CNIH3: variants seen among roughly 807,000 people sequenced by gnomAD.
CNIH3 encodes the protein protein cornichon homolog 3.
In CNIH3, 14 loss-of-function variants were observed where a neutral mutation model predicts 24.1. The observed-to-expected ratio is 0.58, with a 90% CI of 0.38 to 0.91. CNIH3 has a LOEUF of 0.91. Ranked by LOEUF, CNIH3 falls within the 40% of genes least tolerant of loss-of-function variation. The pLI is 0.00. For missense variants in CNIH3, 178 were observed against 196.8 expected (o/e 0.90, Z 0.57); for synonymous variants, 68 against 73.8 (o/e 0.92, Z 0.40).
chr1:224,697,205 G>T (rs979615263), intron 3 of CNIH3, among the ~76,000 whole-genome samples: 1 of 152,234 alleles, frequency 6.6e-6, no homozygotes, highest in African/African-American at 2.4e-5. Flanking sequence ...AGTGCCCAGT[G>T]GGGGAGCATT....
intron 1 of CNIH3, among the ~76,000 whole-genome samples, chr1:224,628,858 A>G (rs1270489681): frequency 1.3e-5 from 2 of 151,978 alleles, no homozygotes; most frequent in African/African-American, 2.4e-5. Context: ...CTGATAAGCA[A>G]TATTTACAGT....
At chr1:224,676,876 G>C (rs562281349) in intron 1 of CNIH3, among the ~76,000 whole-genome samples, 11 of 152,200 alleles carry the variant, frequency 7.2e-5, no homozygotes, top group Admixed American at 2.0e-4. Flanking sequence ...TGCTAAGTGG[G>C]GGGTAGCCTA....
chr1:224,720,730 A>G (rs1688676814), intron 3 of CNIH3, among the ~76,000 whole-genome samples: 1 of 152,164 alleles, frequency 6.6e-6, no homozygotes, highest in African/African-American at 2.4e-5. Context: ...CTTGTCAGGT[A>G]AAATCACTGT....
chr1:224,712,653 A>G (rs750256311), intron 3 of CNIH3, among the ~76,000 whole-genome samples: 1 of 152,210 alleles, frequency 6.6e-6, no homozygotes, highest in Non-Finnish European at 1.5e-5. Context: ...AAGAGTGTCT[A>G]GTATCAATAT....
At chr1:224,552,022 G>A (rs1053819377) in intron 3 of CNIH3, among the ~76,000 whole-genome samples, 1 of 151,392 alleles carries the variant, frequency 6.6e-6, no homozygotes, top group Non-Finnish European at 1.5e-5. Context: ...TACGCCCCGT[G>A]TGATATTAAG....
chr1:224,472,626 G>T (rs1190162819), intron 1 of CNIH3, among the ~76,000 whole-genome samples: 1 of 152,054 alleles, frequency 6.6e-6, no homozygotes. Flanking sequence ...TGGACTTTGG[G>T]GACCTGGGGA....
chr1:224,551,200 C>T (rs1679906801), intron 3 of CNIH3, among the ~76,000 whole-genome samples: 1 of 152,004 alleles, frequency 6.6e-6, no homozygotes, highest in Non-Finnish European at 1.5e-5. Context: ...TACCATTTGA[C>T]CCAGCAATCC....
At chr1:224,726,611 C>T (rs1411797351) in intron 3 of CNIH3, among the ~76,000 whole-genome samples, 4 of 152,184 alleles carry the variant, frequency 2.6e-5, no homozygotes, top group Non-Finnish European at 5.9e-5. Flanking sequence ...CACTGTTCCA[C>T]TTCTAGGATG....
intron 4 of CNIH3, among the ~76,000 whole-genome samples, chr1:224,579,281 T>C (rs1018920354): frequency 6.6e-6 from 1 of 152,194 alleles, no homozygotes; most frequent in African/African-American, 2.4e-5. Flanking sequence ...CTGTCTTTCA[T>C]TGTAAAGGTT....
chr1:224,630,855 G>T (rs1169176520), intron 1 of CNIH3, among the ~76,000 whole-genome samples: 1 of 152,086 alleles, frequency 6.6e-6, no homozygotes. Flanking sequence ...ATGCTGTCTG[G>T]CCAGAATGGA....
At chr1:224,466,196 TACAG>T (rs1350843402) in intron 1 of CNIH3, among the ~76,000 whole-genome samples, 2 of 152,170 alleles carry the variant, frequency 1.3e-5, no homozygotes, top group East Asian at 3.8e-4. Flanking sequence ...ACAATCAAGA[TACAG>T]ACCCATTTCA....
intron 1 of CNIH3, among the ~76,000 whole-genome samples, chr1:224,488,089 C>G (rs1677097453): frequency 6.6e-6 from 1 of 151,634 alleles, no homozygotes; most frequent in Non-Finnish European, 1.5e-5. Flanking sequence ...AGTTGAGAAT[C>G]TAGTATGTGA....
intron 1 of CNIH3, among the ~76,000 whole-genome samples, chr1:224,655,542 G>A (rs1223430190): frequency 6.6e-6 from 1 of 152,238 alleles, no homozygotes; most frequent in African/African-American, 2.4e-5. Context: ...CACTGTCAGT[G>A]TAGTGGGCCT....
chr1:224,501,519 A>C (rs1046110263), intron 1 of CNIH3, among the ~76,000 whole-genome samples: 3 of 97,634 alleles, frequency 3.1e-5, no homozygotes, highest in Non-Finnish European at 7.2e-5. Context: ...ATATATATAT[A>C]TATATATTTT....
At position 224,616,327 on chromosome 1, in the gene CNIH3, A is replaced by AGGC. The variant is rs905219383; in HGVS notation, c.-829_-827dup. On this transcript the variant is annotated 5_prime_UTR_variant, in exon 1 of 6. Coordinates refer to ENST00000272133, the MANE Select transcript of CNIH3 (RefSeq NM_152495.2). ...ACCGCTACAGTTCTCGCAGTGGCAAAGGCGGCGGCGGCGGCGGCGGCAGCG... is the reference window on the plus strand; with the variant it reads ...ACCGCTACAGTTCTCGCAGTGGCAAAGGCGGCGGCGGCGGCGGCGGCGGCAGCG... 101 of 362,762 alleles carry AGGC rather than the reference A, an allele frequency of 2.8e-4. 1 individual carries two copies. The highest frequency in any genetic ancestry group is 2.1e-3 in the South Asian group (45 of 21,936). The allele number at this position is 362,762 out of a possible 1,614,324, so 22.5% of individuals were successfully genotyped here.
At chr1:224,510,611 A>AAAC (rs1678109122) in intron 1 of CNIH3, among the ~76,000 whole-genome samples, 1 of 134,328 alleles carries the variant, frequency 7.4e-6, no homozygotes, top group African/African-American at 3.3e-5. Context: ...AAAAAAAACA[A>AAAC]AAAAAAAACA....
chr1:224,549,731 A>G (rs1026052218), intron 3 of CNIH3, among the ~76,000 whole-genome samples: 17 of 152,144 alleles, frequency 1.1e-4, no homozygotes, highest in Non-Finnish European at 2.4e-4. Context: ...ATGATATTTC[A>G]TTAATATCAT....
chr1:224,454,417 G>T (rs1675561613), intron 1 of CNIH3: 1 of 662,782 alleles, frequency 1.5e-6, no homozygotes, highest in Admixed American at 6.3e-5. Context: ...GAGAGCAGGA[G>T]AACCAGTTCT....
At chr1:224,452,555 G>C (rs536516019) in intron 1 of CNIH3, among the ~76,000 whole-genome samples, 1 of 151,706 alleles carries the variant, frequency 6.6e-6, no homozygotes, top group African/African-American at 2.4e-5. Context: ...GCCAAGGTGG[G>C]CGGATCACAA....
Sources: gnomAD v4.1 joint callset for allele counts (sites outside exome capture counted in the v4.1 genomes callset) on GRCh38, gnomAD v4.1.1 for gene constraint, MANE v1.5 for transcripts, NCBI Gene and HGNC (gene_info 2026-07-23, HGNC 2026-07-21) for gene names.